STAU2: variants seen among roughly 807,000 people sequenced by gnomAD.
The protein encoded by STAU2 is staufen double-stranded RNA binding protein 2, also known as double-stranded RNA-binding protein Staufen homolog 2.
A neutral mutation model predicts 65.9 loss-of-function variants in STAU2; 20 were observed. That is an observed-to-expected ratio of 0.30 (90% CI 0.21 to 0.44). STAU2 has a LOEUF of 0.44. Ranked by LOEUF, STAU2 falls within the 20% of genes least tolerant of loss-of-function variation. The probability of loss-of-function intolerance (pLI) is 1.00; values close to 1 mark genes in which losing one functional copy is unlikely to be tolerated. For synonymous variants in STAU2, 232 were observed against 233.9 expected (o/e 0.99, Z 0.07); for missense variants, 558 against 683.9 (o/e 0.82, Z 2.05).
At chr8:73,471,788 C>T (rs367880497) in intron 13 of STAU2, among the ~76,000 whole-genome samples, 18 of 131,916 alleles carry the variant, frequency 1.4e-4, no homozygotes, top group Non-Finnish European at 2.3e-4. Flanking sequence ...ACTGCACTCC[C>T]GCCTGGGCAA....
At chr8:73,616,091 C>G (rs568463074) in intron 7 of STAU2, among the ~76,000 whole-genome samples, 1 of 152,136 alleles carries the variant, frequency 6.6e-6, no homozygotes, top group Non-Finnish European at 1.5e-5. Flanking sequence ...TTAGAGTTCT[C>G]TACCCACCCA....
intron 6 of STAU2, among the ~76,000 whole-genome samples, chr8:73,663,852 C>T (rs753495821): frequency 3.9e-5 from 6 of 152,216 alleles, no homozygotes; most frequent in South Asian, 2.1e-4. Flanking sequence ...ACTAGAAATA[C>T]CACTGATTTT....
chr8:73,546,886 C>A (rs1346242968), intron 13 of STAU2, among the ~76,000 whole-genome samples: 1 of 152,150 alleles, frequency 6.6e-6, no homozygotes, highest in Non-Finnish European at 1.5e-5. Context: ...CATTGTCAAT[C>A]GTTTCTAGCA....
chr8:73,479,483 C>CACACACACACACAA (rs1274136130), intron 13 of STAU2, among the ~76,000 whole-genome samples: 2 of 150,622 alleles, frequency 1.3e-5, no homozygotes, highest in African/African-American at 4.9e-5. Context: ...CACACACACA[C>CACACACACACACAA]ACACACACAC....
At chr8:73,536,034 T>G (rs936955913) in intron 13 of STAU2, among the ~76,000 whole-genome samples, 1 of 152,184 alleles carries the variant, frequency 6.6e-6, no homozygotes, top group African/African-American at 2.4e-5. Flanking sequence ...TTTCAAAATG[T>G]ATAATATATA....
At chr8:73,542,529 C>T (rs1280345355) in intron 13 of STAU2, among the ~76,000 whole-genome samples, 2 of 151,918 alleles carry the variant, frequency 1.3e-5, no homozygotes, top group Admixed American at 6.6e-5. Flanking sequence ...CAAAGGATCA[C>T]GTTAAGATAA....
At chr8:73,660,641 G>A (rs540788605) in intron 6 of STAU2, among the ~76,000 whole-genome samples, 6 of 152,358 alleles carry the variant, frequency 3.9e-5, no homozygotes, top group African/African-American at 1.2e-4. Flanking sequence ...TATCAAGCTA[G>A]ACAAGGCAGA....
intron 12 of STAU2, among the ~76,000 whole-genome samples, chr8:73,556,939 A>T (rs1585998612): frequency 7.3e-6 from 1 of 136,906 alleles, no homozygotes; most frequent in Admixed American, 6.9e-5. Context: ...ATAAAGTTGT[A>T]AAAAAAAATT....
intron 13 of STAU2, among the ~76,000 whole-genome samples, chr8:73,474,755 T>A (rs1475372923): frequency 6.6e-6 from 1 of 152,212 alleles, no homozygotes; most frequent in South Asian, 2.1e-4. Context: ...GTAGCCTATA[T>A]GCCAAAGTAG....
At chr8:73,490,420 T>C (rs1821103004) in intron 13 of STAU2, among the ~76,000 whole-genome samples, 1 of 152,082 alleles carries the variant, frequency 6.6e-6, no homozygotes, top group South Asian at 2.1e-4. Context: ...AATTTGATAA[T>C]ATGAAGGTGA....
At chr8:73,596,144 T>C (rs1230031357) in intron 10 of STAU2, among the ~76,000 whole-genome samples, 1 of 151,396 alleles carries the variant, frequency 6.6e-6, no homozygotes, top group Admixed American at 6.6e-5. Context: ...CCAAGTCAGA[T>C]TGGGATATGA....
At chr8:73,725,355 T>C (rs1805550327) in intron 3 of STAU2, among the ~76,000 whole-genome samples, 1 of 152,252 alleles carries the variant, frequency 6.6e-6, no homozygotes, top group Non-Finnish European at 1.5e-5. Flanking sequence ...TCAAATATCA[T>C]TCCACTTCAT....
At chr8:73,705,144 C>T (rs1239140583) in intron 4 of STAU2, among the ~76,000 whole-genome samples, 1 of 152,088 alleles carries the variant, frequency 6.6e-6, no homozygotes, top group Non-Finnish European at 1.5e-5. Flanking sequence ...TATTTGGGTA[C>T]CTCCATCATC....
At chr8:73,732,521 T>C (rs1237381235) in intron 3 of STAU2, 2 of 152,194 alleles carry the variant, frequency 1.3e-5, no homozygotes, top group Non-Finnish European at 2.9e-5. Flanking sequence ...TAGGGGAAAG[T>C]AGAAGTCTTT....
rs554359101 is a variant in STAU2, at chr8:73,612,549, T to G, written c.891+1195A>C. On this transcript the variant is annotated intron_variant, in intron 9 of 14. Transcript: ENST00000524300. ...ATAAGTGGATCTATTTGTATTTATTTTTAGTCTACCTTACATATAACATAT... is the reference window on the plus strand; with the variant it reads ...ATAAGTGGATCTATTTGTATTTATTGTTAGTCTACCTTACATATAACATAT... Among the ~76,000 whole-genome samples, 3 of 152,300 alleles carry G rather than the reference T, an allele frequency of 2.0e-5. No individual in the cohort carries two copies. The South Asian group carries it at 6.2e-4, about 32-fold the overall frequency.
chr8:73,516,390 T>A (rs1449448870), intron 13 of STAU2, among the ~76,000 whole-genome samples: 1 of 152,090 alleles, frequency 6.6e-6, no homozygotes, highest in Non-Finnish European at 1.5e-5. Context: ...TATTAAATTA[T>A]GTGAAATTAA....
At chr8:73,691,677 C>T (rs1224107079) in intron 4 of STAU2, among the ~76,000 whole-genome samples, 1 of 152,126 alleles carries the variant, frequency 6.6e-6, no homozygotes. Context: ...CTCCCCTAAA[C>T]TACCACAACA....
At chr8:73,739,371 TCCC>T (rs1806672098) in intron 2 of STAU2, among the ~76,000 whole-genome samples, 1 of 151,938 alleles carries the variant, frequency 6.6e-6, no homozygotes, top group African/African-American at 2.4e-5. Flanking sequence ...TACAGACCTC[TCCC>T]CTAAAAATTA....
At chr8:73,658,935 AAAAACAAC>A (rs1240421095) in intron 6 of STAU2, among the ~76,000 whole-genome samples, 14 of 36,688 alleles carry the variant, frequency 3.8e-4, no homozygotes, top group Non-Finnish European at 2.0e-4. Context: ...CAACAACAAC[AAAAACAAC>A]AAAAAAAAAA....
Sources: gnomAD v4.1 joint callset for allele counts (sites outside exome capture counted in the v4.1 genomes callset) on GRCh38, gnomAD v4.1.1 for gene constraint, MANE v1.5 for transcripts, NCBI Gene and HGNC (gene_info 2026-07-23, HGNC 2026-07-21) for gene names.